The following HIVEP1 variants were observed in gnomAD, a reference collection of about 807,000 sequenced individuals.
HIVEP1 encodes the protein zinc finger protein 40.
HIVEP1 carries 36 observed loss-of-function variants against 180.0 expected under a neutral mutation model. The ratio of observed to expected loss-of-function variants is 0.20; its 90% CI spans 0.15 to 0.26. The LOEUF (loss-of-function observed/expected upper bound fraction) is 0.26, where lower values mean the gene tolerates loss of function less well. Among genes scored for constraint, HIVEP1 ranks in the 10% least tolerant of loss-of-function variants. The pLI, the probability that HIVEP1 is intolerant of heterozygous loss-of-function variation, is 1.00. For synonymous variants in HIVEP1, 1,239 were observed against 1,239.0 expected (o/e 1.00, Z 0.00); for missense variants, 3,143 against 3,268.7 (o/e 0.96, Z 0.94).
intron 2 of HIVEP1, among the ~76,000 whole-genome samples, chr6:12,019,367 C>T (rs987608667): frequency 5.3e-5 from 8 of 152,188 alleles, no homozygotes; most frequent in African/African-American, 1.4e-4. Flanking sequence ...AGCAGGTAAC[C>T]ATCAGCTCCT....
chr6:12,037,831 G>T (rs750086326), intron 2 of HIVEP1: 1 of 418,238 alleles, frequency 2.4e-6, no homozygotes, highest in African/African-American at 2.1e-5. Flanking sequence ...CTGCTTTAGC[G>T]TCCCGAATAG....
At chr6:12,129,713 G>C (rs376457903) in intron 4 of HIVEP1, 46 bp from the exon 5 acceptor site, 15 of 1,459,658 alleles carry the variant, frequency 1.0e-5, no homozygotes, top group Non-Finnish European at 1.4e-5. Context: ...TAGCATGCTT[G>C]TGTTTTCAGT....
chr6:12,193,399 C>T, the HIVEP1 span, among the ~76,000 whole-genome samples: 5 of 152,030 alleles, frequency 3.3e-5, no homozygotes, highest in East Asian at 1.9e-4. Context: ...AGAATCAATG[C>T]GATAAATATT....
chr6:12,066,882 G>GTA lies in HIVEP1; in HGVS notation c.41-22291_41-22290dup, dbSNP rs1408950921. ...ACAAAGACACTGTGTGTGTGTGTGT[G>GTA]TATATATATATACACACACATACAC... On this transcript the variant is annotated intron_variant, in intron 2 of 8. Transcript: ENST00000379388. Among the ~76,000 whole-genome samples, 302 of 151,320 alleles carry GTA rather than the reference G, an allele frequency of 2.0e-3. 2 individuals carry two copies. The highest frequency in any genetic ancestry group is 6.8e-3 in the African/African-American group (281 of 41,138).
chr6:12,077,965 G>A (rs190629841), intron 2 of HIVEP1, among the ~76,000 whole-genome samples: 1 of 152,192 alleles, frequency 6.6e-6, no homozygotes. Flanking sequence ...CTTGAAAAGA[G>A]GCTATATCTT....
At chr6:12,014,991 C>G (rs976256797) in intron 1 of HIVEP1, among the ~76,000 whole-genome samples, 1 of 152,178 alleles carries the variant, frequency 6.6e-6, no homozygotes, top group Non-Finnish European at 1.5e-5. Flanking sequence ...ATGCTCCAGC[C>G]TGGAAGTGAA....
chr6:12,168,148 TATATAC>T (rs1760791198), downstream of HIVEP1, among the ~76,000 whole-genome samples: 2 of 125,926 alleles, frequency 1.6e-5, 1 homozygote, highest in Non-Finnish European at 3.2e-5. Context: ...ATCTATATTA[TATATAC>T]AGATATACGT....
Position 12,043,036 on chromosome 6 carries a change from A to G in HIVEP1, c.40+27368A>G, listed in dbSNP as rs552444793. 2.0e-4 allele frequency among the ~76,000 whole-genome samples: 31 copies of G among 152,334 alleles called. No individual in the cohort carries two copies. In the Middle Eastern group the frequency reaches 0.01, roughly 50 times the overall value. ...AAGAATCTTTTCTCGCAGAATTGCC[A>G]TGTAGTAACTTCTGATATATACTTT... On this transcript the variant is annotated intron_variant, in intron 2 of 8. Transcript: ENST00000379388.
In HIVEP1 at chr6:12,163,991, G is replaced by A. The variant is rs138251849; in HGVS notation, c.7687G>A (p.Val2563Ile). ...AATCCCCTCAGTCAGTCAAGTAGCC[G>A]TTGATGCACAGGGAGCTCCAGAAAT... ...TLIPSVSQVA[V>I]DAQGAPEMPA... Residue 2563 changes from valine (V) to isoleucine (I), a missense_variant, in exon 9 of 9, where the codon GTT becomes ATT. By Grantham distance (29) the Val-to-Ile change is conservative. Coordinates refer to ENST00000379388, the MANE Select transcript of HIVEP1 (RefSeq NM_002114.4). 1.8e-3 allele frequency: 2,978 copies of A among 1,614,068 alleles called. 4 individuals are homozygous for A. Among genetic ancestry groups the A allele is most frequent in the Non-Finnish European group, 2.3e-3 (2,656 of 1,180,016 alleles).
Position 12,121,190 on chromosome 6 carries a change from C to G in HIVEP1, c.1395C>G (p.Val465=), listed in dbSNP as rs1223692920. 1 of 1,614,122 alleles carries G rather than the reference C, an allele frequency of 6.2e-7. No homozygotes were observed. Among genetic ancestry groups the G allele is most frequent in the Non-Finnish European group, 8.5e-7 (1 of 1,180,024 alleles). ...SHAHTIKLGL[V]LQPDAGGLFL... is the part of the protein sequence containing the mutation. Reference sequence around the variant, plus strand: ...CACATACTATCAAACTGGGTCTTGTCTTGCAACCAGATGCTGGTGGCTTGT... The same window carrying G: ...CACATACTATCAAACTGGGTCTTGTGTTGCAACCAGATGCTGGTGGCTTGT... Residue 465 remains valine, a synonymous_variant, in exon 4 of 9, where the codon GTC becomes GTG. Transcript: ENST00000379388. This position sits in a 1 kb window ranked among gnomAD's most constrained non-coding sequence, Gnocchi z 5.3.
At chr6:12,030,917 C>T (rs1261880798) in intron 2 of HIVEP1, among the ~76,000 whole-genome samples, 1 of 152,158 alleles carries the variant, frequency 6.6e-6, no homozygotes, top group Non-Finnish European at 1.5e-5. Flanking sequence ...GATCCTTGCT[C>T]CCTTGTGAGT....
chr6:12,123,867 G>A lies in HIVEP1; in HGVS notation c.4072G>A (p.Gly1358Arg). The change falls in exon 4 of 9, where the codon GGA (glycine) becomes AGA (arginine). Residue 1358 changes from glycine to arginine, a missense_variant. Transcript: ENST00000379388. ...PAGLNTLNVP[G>R]CHREMRRTAS... ...TGGCTTGAATACTCTGAATGTTCCT[G>A]GATGTCACCGGGAAATGAGGCGTAC... is the stretch of plus-strand genomic sequence containing the variant. 6.2e-7 allele frequency: 1 copy of A among 1,614,150 alleles called. No homozygotes were observed. Among genetic ancestry groups the A allele is most frequent in the Non-Finnish European group, 8.5e-7 (1 of 1,180,018 alleles).
At chr6:12,015,945 T>A (rs1258525198) in intron 2 of HIVEP1, among the ~76,000 whole-genome samples, 1 of 152,244 alleles carries the variant, frequency 6.6e-6, no homozygotes, top group Non-Finnish European at 1.5e-5. Context: ...TATTTGTTAA[T>A]AGGAACCATA....
chr6:12,093,700 G>T (rs1405434110), intron 3 of HIVEP1, among the ~76,000 whole-genome samples: 1 of 150,840 alleles, frequency 6.6e-6, no homozygotes, highest in Non-Finnish European at 1.5e-5. Flanking sequence ...TTTTGTGTGG[G>T]TTTGCTTCTT....
downstream of HIVEP1, among the ~76,000 whole-genome samples, chr6:12,168,033 T>TACATATATACATATGTG (rs1491475196): frequency 2.3e-5 from 1 of 43,724 alleles, no homozygotes; most frequent in African/African-American, 1.1e-4. Flanking sequence ...TATGTATATA[T>TACATATATACATATGTG]TATATATACA....
At chr6:12,171,721 A>G in the HIVEP1 span, among the ~76,000 whole-genome samples, 1 of 152,192 alleles carries the variant, frequency 6.6e-6, no homozygotes, top group African/African-American at 2.4e-5. Flanking sequence ...TTTGTGTAAA[A>G]CTAAGCTGAA....
intron 2 of HIVEP1, among the ~76,000 whole-genome samples, chr6:12,034,189 G>A (rs1238622840): frequency 6.6e-6 from 1 of 152,210 alleles, no homozygotes; most frequent in Non-Finnish European, 1.5e-5. Context: ...AGTCAAGCAA[G>A]AAGTTATGTA....
chr6:12,150,002 G>A lies in HIVEP1; in HGVS notation c.6488-11437G>A, dbSNP rs182548303. On this transcript the variant is annotated intron_variant, in intron 7 of 8. Coordinates refer to ENST00000379388, the MANE Select transcript of HIVEP1 (RefSeq NM_002114.4). The stretch of plus-strand genomic sequence containing the variant: ...TTAGGGGATGTTGGGAAACGTTTGC[G>A]TTTAATGAAGCAGGAGGAATTATAC... Among the ~76,000 whole-genome samples, 405 of 152,268 alleles carry A rather than the reference G, an allele frequency of 2.7e-3. 1 individual carries two copies. Among genetic ancestry groups the A allele is most frequent in the African/African-American group, 9.1e-3 (377 of 41,548 alleles).
chr6:12,135,752 C>A, intron 6 of HIVEP1, 39 bp from the exon 7 acceptor site: 1 of 1,326,568 alleles, frequency 7.5e-7, no homozygotes, highest in South Asian at 1.2e-5. Context: ...ATAGCAAAAT[C>A]ATACTACTTA....
Sources: gnomAD v4.1 joint callset for allele counts (sites outside exome capture counted in the v4.1 genomes callset) on GRCh38, gnomAD v4.1.1 for gene constraint, Gnocchi (gnomAD v3.1) non-coding constraint, MANE v1.5 for transcripts, NCBI Gene and HGNC (gene_info 2026-07-23, HGNC 2026-07-21) for gene names.